Variants in PIEZO2 observed in about 807,000 individuals in gnomAD.
PIEZO2 encodes the protein piezo type mechanosensitive ion channel component 2.
Under a neutral mutation model 337.3 loss-of-function variants are expected in PIEZO2, and 172 were observed. The ratio of observed to expected loss-of-function variants is 0.51; its 90% CI spans 0.45 to 0.58. The LOEUF (loss-of-function observed/expected upper bound fraction) is 0.58, where lower values mean the gene tolerates loss of function less well. Ranked by LOEUF, PIEZO2 falls within the 20% of genes least tolerant of loss-of-function variation. PIEZO2 has a pLI of 0.00. For missense variants in PIEZO2, 3,028 were observed against 3,391.3 expected (o/e 0.89, Z 2.66); for synonymous variants, 1,251 against 1,228.5 (o/e 1.02, Z -0.38).
At position 11,115,800 on chromosome 18, in the gene PIEZO2, A is replaced by C. The variant is rs564538804; in HGVS notation, c.64+32725T>G. Among the ~76,000 whole-genome samples the C allele has an allele frequency of 5.9e-5, 9 of 152,324 alleles. No individual in the cohort carries two copies. In the South Asian group the frequency reaches 1.7e-3, roughly 28 times the overall value. On this transcript the variant is annotated intron_variant, in intron 1 of 55. Transcript: ENST00000674853. ...AAATTATTTTACTAATATAAAATAT[A>C]AAATAAAATGCCGTAAGTGCTATAT...
At position 10,814,705 on chromosome 18, in the gene PIEZO2, A is replaced by G. The variant is rs60354708; in HGVS notation, c.918-7431T>C. On this transcript the variant is annotated intron_variant, in intron 7 of 55. Transcript: ENST00000674853. ...TTTTCCCTGGAAAGGGTTTGGTGAC[A>G]GACTCCAAGCATCCTGGGCTCCCTA... Among the ~76,000 whole-genome samples, 1,283 of 152,298 alleles carry G rather than the reference A, an allele frequency of 8.4e-3. 15 individuals are homozygous for G. The highest frequency in any genetic ancestry group is 0.029 in the African/African-American group (1,221 of 41,560).
At chr18:10,689,203 T>C (rs2034688258) in intron 49 of PIEZO2, among the ~76,000 whole-genome samples, 1 of 152,252 alleles carries the variant, frequency 6.6e-6, no homozygotes, top group African/African-American at 2.4e-5. Flanking sequence ...TAAACCTTAA[T>C]ATTCAGCCTG....
At chr18:10,737,500 A>G (rs932274904) in intron 33 of PIEZO2, among the ~76,000 whole-genome samples, 3 of 152,162 alleles carry the variant, frequency 2.0e-5, no homozygotes, top group Non-Finnish European at 4.4e-5. Context: ...CTTCTGGTCA[A>G]CAAGGAACTC....
chr18:10,838,736 T>C (rs867861243), intron 7 of PIEZO2, among the ~76,000 whole-genome samples: 1 of 152,308 alleles, frequency 6.6e-6, no homozygotes, highest in Middle Eastern at 3.4e-3. Context: ...ATTTATGGCC[T>C]CTTTCCCATG....
At position 10,863,915 on chromosome 18, in the gene PIEZO2, C is replaced by T. The variant is rs1384344608; in HGVS notation, c.493-6704G>A. Among the ~76,000 whole-genome samples, 1 of 152,016 alleles carries T rather than the reference C, an allele frequency of 6.6e-6. No individual in the cohort carries two copies. The highest frequency in any genetic ancestry group is 2.4e-5 in the African/African-American group (1 of 41,334). ...ATCATCCACTCAGTTCACATTAGTT[C>T]CAGAGATTACTACTCATCCTGAACC... On this transcript the variant is annotated intron_variant, in intron 5 of 55. Transcript: ENST00000674853. The surrounding 1 kb of genome is among the most constrained non-coding windows in gnomAD (Gnocchi z 4.3).
At chr18:10,694,492 C>T (rs2034997299) in intron 47 of PIEZO2, among the ~76,000 whole-genome samples, 1 of 152,110 alleles carries the variant, frequency 6.6e-6, no homozygotes, top group South Asian at 2.1e-4. Flanking sequence ...ATCAAATTTT[C>T]TGTTAAGCAT....
chr18:11,068,590 G>C (rs1400323773), intron 1 of PIEZO2, among the ~76,000 whole-genome samples: 2 of 151,730 alleles, frequency 1.3e-5, no homozygotes, highest in Non-Finnish European at 2.9e-5. Context: ...AAAAAAGAAA[G>C]ATCTCAAACA....
chr18:11,131,231 C>A lies in PIEZO2; in HGVS notation c.64+17294G>T, dbSNP rs1008904491. 4.3e-4 allele frequency among the ~76,000 whole-genome samples: 66 copies of A among 152,180 alleles called. No individual in the cohort carries two copies. Among genetic ancestry groups the A allele is most frequent in the Admixed American group, 4.3e-3 (66 of 15,276 alleles). On this transcript the variant is annotated intron_variant, in intron 1 of 55. Transcript: ENST00000674853. The surrounding 1 kb of genome is among the most constrained non-coding windows in gnomAD (Gnocchi z 5.3). Reference sequence around the variant, plus strand: ...CTTTCTGACCCATCTAGCCATAAAGCGTGTCATGCACAGCAGCATTCCATC... The same window carrying A: ...CTTTCTGACCCATCTAGCCATAAAGAGTGTCATGCACAGCAGCATTCCATC...
At chr18:10,948,882 C>T (rs2033154440) in intron 3 of PIEZO2, among the ~76,000 whole-genome samples, 1 of 152,164 alleles carries the variant, frequency 6.6e-6, no homozygotes. Flanking sequence ...CATACAGATG[C>T]ATACCTTCAC....
intron 1 of PIEZO2, among the ~76,000 whole-genome samples, chr18:11,091,912 G>A (rs543452619): frequency 7.9e-5 from 12 of 152,148 alleles, no homozygotes; most frequent in African/African-American, 2.4e-4. Flanking sequence ...GCAAGGCTCC[G>A]CTTTCACACG....
intron 2 of PIEZO2, among the ~76,000 whole-genome samples, chr18:10,997,199 G>A (rs2035354851): frequency 6.6e-6 from 1 of 151,128 alleles, no homozygotes; most frequent in Admixed American, 6.6e-5. Flanking sequence ...TACTCAGAGA[G>A]TGAGACAAAG....
In PIEZO2 at chr18:11,035,402, TA is replaced by T. The variant is rs928225046; in HGVS notation, c.160+30724del. Among the ~76,000 whole-genome samples the T allele has an allele frequency of 6.6e-6, 1 of 151,860 alleles. No homozygotes were observed. Among genetic ancestry groups the T allele is most frequent in the African/African-American group, 2.4e-5 (1 of 41,302 alleles). ...CCCCCTCCTTGCCTTCCACAATGAG[TA>T]AAAGCTTCCTGAGGTCTTGACCAGA... On this transcript the variant is annotated intron_variant, in intron 2 of 55. Coordinates refer to ENST00000674853, the MANE Select transcript of PIEZO2 (RefSeq NM_001378183.1). This position sits in a 1 kb window ranked among gnomAD's most constrained non-coding sequence, Gnocchi z 4.3.
chr18:11,061,011 A>C (rs1287409116), intron 2 of PIEZO2, among the ~76,000 whole-genome samples: 1 of 152,232 alleles, frequency 6.6e-6, no homozygotes, highest in East Asian at 1.9e-4. Context: ...TCCTCAATAA[A>C]ATACTAGCAA....
chr18:10,694,300 T>C (rs1048042004), intron 47 of PIEZO2, among the ~76,000 whole-genome samples: 6 of 152,240 alleles, frequency 3.9e-5, no homozygotes, highest in African/African-American at 1.4e-4. Flanking sequence ...TGGCTACTGT[T>C]AGAAGCAATT....
chr18:11,023,577 G>A (rs1024091586), intron 2 of PIEZO2, among the ~76,000 whole-genome samples: 3 of 152,276 alleles, frequency 2.0e-5, no homozygotes, highest in African/African-American at 7.2e-5. Context: ...CAGGAGCCCA[G>A]CTGGCTTCAC....
At position 10,714,931 on chromosome 18, in the gene PIEZO2, C is replaced by T. The variant is rs1555630216; in HGVS notation, c.5257-1G>A. On this transcript the variant is annotated splice_acceptor_variant, in intron 38 of 55. Coordinates refer to ENST00000674853, the MANE Select transcript of PIEZO2 (RefSeq NM_001378183.1). LOFTEE classifies it high-confidence loss of function. ...TGCTCTCCCGAGTTGGAACATTGCC[C>T]TGAGGAGAATGAGACATTGCCACAG... is the stretch of plus-strand genomic sequence containing the variant. 6.5e-7 allele frequency: 1 copy of T among 1,536,904 alleles called. No homozygotes were observed. The highest frequency in any genetic ancestry group is 8.7e-7 in the Non-Finnish European group (1 of 1,146,752).
intron 3 of PIEZO2, among the ~76,000 whole-genome samples, chr18:10,933,351 G>T (rs1299694207): frequency 6.6e-6 from 1 of 151,980 alleles, no homozygotes; most frequent in East Asian, 1.9e-4. Context: ...CTTCATTGGA[G>T]TAATTTTCTT....
At position 10,800,377 on chromosome 18, in the gene PIEZO2, G is replaced by A. The variant is rs2039767374; in HGVS notation, c.1338C>T (p.Ser446=). The A allele has an allele frequency of 1.3e-6, 2 of 1,536,412 alleles. No homozygotes were observed. The highest frequency in any genetic ancestry group is 1.4e-5 in the African/African-American group (1 of 73,020). ...AGGGCTCCCACCGGTACTGAGGGGT[G>A]GAGTAGAGGTCGGCTTTGCCAGGGC... ...ENGPGKADLY[S]TPQYRWEPSD... is the part of the protein sequence containing the mutation. The change falls in exon 11 of 56, where the codon TCC becomes TCT. Residue 446 remains serine (S), a synonymous_variant. Transcript: ENST00000674853.
At chr18:10,761,567 T>G (rs1287863740) in intron 23 of PIEZO2, among the ~76,000 whole-genome samples, 3 of 152,198 alleles carry the variant, frequency 2.0e-5, no homozygotes, top group Non-Finnish European at 1.5e-5. Context: ...TTGAAAAGCA[T>G]GCTGACAACA....
Sources: gnomAD v4.1 joint callset for allele counts (sites outside exome capture counted in the v4.1 genomes callset) on GRCh38, gnomAD v4.1.1 for gene constraint, Gnocchi (gnomAD v3.1) non-coding constraint, MANE v1.5 for transcripts, NCBI Gene and HGNC (gene_info 2026-07-23, HGNC 2026-07-21) for gene names.